Variants in MTERF1 observed in about 807,000 individuals in gnomAD.
MTERF1 encodes the protein transcription termination factor 1, mitochondrial.
MTERF1 carries 29 observed loss-of-function variants against 31.6 expected under a neutral mutation model. The observed-to-expected ratio is 0.92, with a 90% confidence interval of 0.68 to 1.25. The LOEUF (loss-of-function observed/expected upper bound fraction) is 1.25, where lower values mean the gene tolerates loss of function less well. Among genes scored for constraint, MTERF1 ranks in the 50% most tolerant of loss-of-function variants. The probability of loss-of-function intolerance (pLI) is 0.00; values close to 1 mark genes in which losing one functional copy is unlikely to be tolerated. For synonymous variants in MTERF1, 152 were observed against 164.1 expected, an observed-to-expected ratio of 0.93 and a Z score of 0.57; for missense variants, 500 against 469.1, an observed-to-expected ratio of 1.07 and a Z score of -0.61.
chr7:91,880,087 T>A lies in MTERF1; in HGVS notation c.-4A>T. 4 of 1,613,790 alleles carry A rather than the reference T, an allele frequency of 2.5e-6. No homozygotes were observed. The highest frequency in any genetic ancestry group is 2.5e-6 in the Non-Finnish European group (3 of 1,179,966). On this transcript the variant is annotated 5_prime_UTR_variant, in exon 2 of 3. Coordinates refer to ENST00000351870, the MANE Select transcript of MTERF1 (RefSeq NM_006980.5). ...GTCCTAAGGAAAGGCTCTGCATCCC[T>A]CCAGAAAGGCTGGAGAACAGCTATC...
rs1270321163 is a variant in MTERF1 at position 91,871,426 on chromosome 7, C to G, written c.*2168G>C. 6.6e-6 allele frequency: 1 copy of G among 152,166 alleles called. No individual in the cohort carries two copies. Among genetic ancestry groups the G allele is most frequent in the South Asian group, 2.1e-4 (1 of 4,822 alleles). 9.4% of individuals were successfully genotyped at this position (152,166 alleles called of 1,614,324 possible). A position where few individuals can be genotyped will look rare whatever the true frequency, so the allele number is the denominator to read the frequency against. On this transcript the variant is annotated 3_prime_UTR_variant, in exon 3 of 3. Coordinates refer to ENST00000351870, the MANE Select transcript of MTERF1 (RefSeq NM_006980.5). The stretch of plus-strand genomic sequence containing the variant: ...AAAACAATACCTCAGAAAACACTCG[C>G]GTACAATTCAGAAGACTTAAGAAAT...
chr7:91,871,601 G>C lies in MTERF1; in HGVS notation c.*1993C>G, dbSNP rs1182053039. 6.6e-6 allele frequency: 1 copy of C among 152,180 alleles called. No individual in the cohort carries two copies. The highest frequency in any genetic ancestry group is 1.5e-5 in the Non-Finnish European group (1 of 68,054). The allele number at this position is 152,180 out of a possible 1,614,324, so 9.4% of individuals were successfully genotyped here. On this transcript the variant is annotated 3_prime_UTR_variant, in exon 3 of 3. Coordinates refer to ENST00000351870, the MANE Select transcript of MTERF1 (RefSeq NM_006980.5). ...TAAGTGAAAGAAGCCAGTCACAAAA[G>C]ACCATACTGTATGATTCCATTTATA...
At chr7:91,878,824 G>C (rs940932013) in intron 2 of MTERF1, among the ~76,000 whole-genome samples, 2 of 152,036 alleles carry the variant, frequency 1.3e-5, no homozygotes, top group African/African-American at 4.8e-5. Flanking sequence ...GACAGAGTGA[G>C]CCCATCTCAA....
At chr7:91,880,177 A>G (rs1789469285) in intron 1 of MTERF1, 64 bp from the exon 2 acceptor site, 4 of 1,348,678 alleles carry the variant, frequency 3.0e-6, no homozygotes, top group Non-Finnish European at 4.2e-6. Context: ...ATACAAAATA[A>G]GAGATCGATC....
chr7:91,878,053 T>G (rs1439410669), intron 2 of MTERF1, among the ~76,000 whole-genome samples: 1 of 152,158 alleles, frequency 6.6e-6, no homozygotes, highest in Admixed American at 6.5e-5. Flanking sequence ...TAGGACAAGG[T>G]CCCATTCAAA....
In MTERF1 at chr7:91,871,002, C is replaced by G. The variant is rs991027712; in HGVS notation, c.*2592G>C. The stretch of plus-strand genomic sequence containing the variant: ...CCCAGGCTGGTCTTGAACTCCTGGG[C>G]TCAAGCAATCCTCCCACCTCGGCCT... On this transcript the variant is annotated 3_prime_UTR_variant, in exon 3 of 3. Transcript: ENST00000351870. The G allele has an allele frequency of 2.6e-4, 38 of 148,584 alleles. No homozygotes were observed. The highest frequency in any genetic ancestry group is 8.8e-4 in the African/African-American group (35 of 39,956). 9.2% of individuals were successfully genotyped at this position (148,584 alleles called of 1,614,324 possible). A position where few individuals can be genotyped will look rare whatever the true frequency, so the allele number is the denominator to read the frequency against.
intron 1 of MTERF1, 106 bp from the exon 2 acceptor site, chr7:91,880,219 G>T (rs1159969609): frequency 2.0e-5 from 17 of 869,746 alleles, no homozygotes; most frequent in South Asian, 1.8e-4. Flanking sequence ...TTATGTTCTC[G>T]TGAGATGCAT....
intron 2 of MTERF1, among the ~76,000 whole-genome samples, chr7:91,879,286 A>C (rs1789436497): frequency 6.6e-6 from 1 of 152,194 alleles, no homozygotes; most frequent in Non-Finnish European, 1.5e-5. Context: ...ATATACTATA[A>C]AGGTGCCAAA....
In MTERF1 at chr7:91,873,918, G is replaced by A. The variant is rs757287467; in HGVS notation, c.876C>T (p.Ser292=). ...ACAGCTTCTCTTTGATGTTTGCGTA[G>A]CTTCTTCTGGCATAGTCATTGGAAA... ...LDLSNDYARR[S]YANIKEKLFS... The change falls in exon 3 of 3, where the codon AGC becomes AGT. Residue 292 remains serine (S), a synonymous_variant. Transcript: ENST00000351870. 6.2e-7 allele frequency: 1 copy of A among 1,613,968 alleles called. No individual in the cohort carries two copies. The highest frequency in any genetic ancestry group is 1.7e-5 in the Admixed American group (1 of 59,990).
At chr7:91,878,444 A>G (rs1789401459) in intron 2 of MTERF1, among the ~76,000 whole-genome samples, 3 of 152,244 alleles carry the variant, frequency 2.0e-5, no homozygotes, top group African/African-American at 7.2e-5. Flanking sequence ...GAAATTCTCA[A>G]ATATTGTTAA....
At position 91,873,290 on chromosome 7, in the gene MTERF1, C is replaced by T; in HGVS notation, c.*304G>A. 1 of 224,904 alleles carries T rather than the reference C, an allele frequency of 4.4e-6. No homozygotes were observed. Among genetic ancestry groups the T allele is most frequent in the East Asian group, 1.0e-4 (1 of 9,844 alleles). The allele number at this position is 224,904 out of a possible 1,614,324, so 13.9% of individuals were successfully genotyped here. ...TGGAGAATCTGTTTCCTTGCCTTTT[C>T]AATCTTTTTTTACAGGCCCCCTTCA... On this transcript the variant is annotated 3_prime_UTR_variant, in exon 3 of 3. Coordinates refer to ENST00000351870, the MANE Select transcript of MTERF1 (RefSeq NM_006980.5).
intron 2 of MTERF1, among the ~76,000 whole-genome samples, chr7:91,879,416 G>A (rs1252201022): frequency 6.6e-6 from 1 of 152,220 alleles, no homozygotes; most frequent in African/African-American, 2.4e-5. Flanking sequence ...TATATACAGA[G>A]GGGGAAAGTG....
rs1789251557 is a variant in MTERF1, at chr7:91,873,884, C to G, written c.910G>C (p.Gly304Arg). 2 of 1,613,890 alleles carry G rather than the reference C, an allele frequency of 1.2e-6. No homozygotes were observed. The highest frequency in any genetic ancestry group is 2.7e-5 in the African/African-American group (2 of 74,884). Residue 304 changes from glycine (G) to arginine (R), a missense_variant, in exon 3 of 3, where the codon GGA (glycine) becomes CGA (arginine). Gly to Arg is a moderately radical substitution (Grantham distance 125). Transcript: ENST00000351870. ...ANIKEKLFSL[G>R]CTEEEVQKFV... ...TTCTGTACCTCTTCTTCAGTACATC[C>G]AAGAGAAAACAGCTTCTCTTTGATG...
At chr7:91,879,985 T>G in intron 2 of MTERF1, 70 bp downstream of exon 2, 1 of 1,574,780 alleles carries the variant, frequency 6.4e-7, no homozygotes, top group Non-Finnish European at 8.7e-7. Flanking sequence ...GGCCCTAAAA[T>G]ACCACATTCC....
chr7:91,880,307 T>A (rs1037876297), intron 1 of MTERF1, 194 bp from the exon 2 acceptor site: 2 of 544,316 alleles, frequency 3.7e-6, no homozygotes, highest in Non-Finnish European at 6.5e-6. Flanking sequence ...TGGGAAAAGG[T>A]AGCGGAATCA....
At chr7:91,877,004 G>A in intron 2 of MTERF1, 2 of 859,912 alleles carry the variant, frequency 2.3e-6, no homozygotes, top group South Asian at 1.1e-4. Context: ...ATGATACAAT[G>A]GGATGGAGGA....
intron 2 of MTERF1, among the ~76,000 whole-genome samples, chr7:91,875,287 T>A (rs948147642): frequency 6.6e-6 from 1 of 152,074 alleles, no homozygotes; most frequent in Non-Finnish European, 1.5e-5. Context: ...TCTCACTCTG[T>A]CACCCAGGCT....
Position 91,871,189 on chromosome 7 carries a change from T to G in MTERF1, c.*2405A>C, listed in dbSNP as rs372570292. The stretch of plus-strand genomic sequence containing the variant: ...CTGACAGGCATTATCTGTTTGTTTC[T>G]CCAAAGTTTTCCTTCCCCCATCCCC... On this transcript the variant is annotated 3_prime_UTR_variant, in exon 3 of 3. Coordinates refer to ENST00000351870, the MANE Select transcript of MTERF1 (RefSeq NM_006980.5). 6.6e-6 allele frequency: 1 copy of G among 152,466 alleles called. No homozygotes were observed. The allele number at this position is 152,466 out of a possible 1,614,324, so 9.4% of individuals were successfully genotyped here.
intron 2 of MTERF1, 97 bp downstream of exon 2, chr7:91,879,958 G>T: frequency 6.9e-7 from 1 of 1,446,698 alleles, no homozygotes; most frequent in Non-Finnish European, 9.6e-7. Flanking sequence ...GGCTGTTAAT[G>T]GAAATAACTA....
Sources: allele counts gnomAD v4.1 joint callset (sites outside exome capture counted in the v4.1 genomes callset), GRCh38; gene constraint gnomAD v4.1.1; transcripts MANE v1.5; gene names NCBI Gene and HGNC (gene_info 2026-07-23, HGNC 2026-07-21).